ZFAT: variants seen among roughly 807,000 people sequenced by gnomAD.
ZFAT encodes the protein zinc finger protein ZFAT.
A neutral mutation model predicts 117.7 loss-of-function variants in ZFAT; 64 were observed. That is an observed-to-expected ratio of 0.54 (90% CI 0.44 to 0.67). The LOEUF (loss-of-function observed/expected upper bound fraction) is 0.67, where lower values mean the gene tolerates loss of function less well. Among genes scored for constraint, ZFAT ranks in the 30% least tolerant of loss-of-function variants. The pLI, the probability that ZFAT is intolerant of heterozygous loss-of-function variation, is 0.00. For synonymous variants in ZFAT, 679 were observed against 615.0 expected (o/e 1.10, Z -1.54); for missense variants, 1,433 against 1,584.5 (o/e 0.90, Z 1.62).
intron 9 of ZFAT, among the ~76,000 whole-genome samples, chr8:134,584,588 G>C (rs1825932177): frequency 6.6e-6 from 1 of 152,166 alleles, no homozygotes; most frequent in Non-Finnish European, 1.5e-5. Flanking sequence ...GTGGTTGATG[G>C]GCTGTTGACT....
intron 11 of ZFAT, among the ~76,000 whole-genome samples, chr8:134,537,114 T>C (rs1339092773): frequency 6.6e-6 from 1 of 152,260 alleles, no homozygotes; most frequent in Non-Finnish European, 1.5e-5. Context: ...ATATGCCAGA[T>C]AGCTCTAAAT....
At chr8:134,519,345 T>G (rs767233103) in intron 13 of ZFAT, among the ~76,000 whole-genome samples, 1 of 152,210 alleles carries the variant, frequency 6.6e-6, no homozygotes, top group Non-Finnish European at 1.5e-5. Flanking sequence ...TTGGGCATTT[T>G]TTATAAGGTT....
At chr8:134,718,356 G>A in the ZFAT span, among the ~76,000 whole-genome samples, 1 of 152,042 alleles carries the variant, frequency 6.6e-6, no homozygotes, top group Admixed American at 6.5e-5. Context: ...ACATTAGCTG[G>A]GTGTGGTAGC....
chr8:134,746,811 T>C, the ZFAT span, among the ~76,000 whole-genome samples: 1 of 152,244 alleles, frequency 6.6e-6, no homozygotes, highest in Admixed American at 6.5e-5. Flanking sequence ...GTTAAATAAC[T>C]GAACAATTAA....
chr8:134,668,274 A>G (rs1228573069), intron 1 of ZFAT, among the ~76,000 whole-genome samples: 1 of 152,216 alleles, frequency 6.6e-6, no homozygotes, highest in Admixed American at 6.5e-5. Flanking sequence ...TTCTCTCAGC[A>G]TGGAGTTTGA....
chr8:134,778,777 G>A, the ZFAT span, among the ~76,000 whole-genome samples: 1 of 152,214 alleles, frequency 6.6e-6, no homozygotes, highest in Non-Finnish European at 1.5e-5. Flanking sequence ...GGATGATGAA[G>A]CATTCACAAT....
chr8:134,532,810 C>G, intron 12 of ZFAT, 24 bp downstream of exon 12: 1 of 1,607,166 alleles, frequency 6.2e-7, no homozygotes. Context: ...GGGCAGGGCC[C>G]CAGCTCGCTG....
the ZFAT span, among the ~76,000 whole-genome samples, chr8:134,743,082 C>T: frequency 6.6e-6 from 1 of 152,216 alleles, no homozygotes; most frequent in African/African-American, 2.4e-5. Context: ...AAAAAGTGGC[C>T]GATCCATGAC....
At chr8:134,555,526 C>T (rs994925207) in intron 11 of ZFAT, among the ~76,000 whole-genome samples, 1 of 152,180 alleles carries the variant, frequency 6.6e-6, no homozygotes, top group African/African-American at 2.4e-5. Flanking sequence ...CAATCCACCA[C>T]ACTAATAACA....
chr8:134,584,865 G>A (rs559178841), intron 9 of ZFAT, among the ~76,000 whole-genome samples: 40 of 152,242 alleles, frequency 2.6e-4, no homozygotes, highest in African/African-American at 9.6e-4. Context: ...TAAGCCAAAC[G>A]TTTTCACCCA....
At chr8:134,562,455 G>C (rs1417933867) in intron 11 of ZFAT, among the ~76,000 whole-genome samples, 1 of 152,212 alleles carries the variant, frequency 6.6e-6, no homozygotes, top group Non-Finnish European at 1.5e-5. Flanking sequence ...ATTTGGATGA[G>C]GGGTTGGCAT....
chr8:134,617,076 CCT>C (rs1338034726), intron 3 of ZFAT, among the ~76,000 whole-genome samples: 5 of 152,326 alleles, frequency 3.3e-5, no homozygotes, highest in Admixed American at 2.6e-4. Flanking sequence ...CTCTCATTCC[CCT>C]GTCTTGGCAG....
At chr8:134,681,005 G>A (rs1344493157) in intron 1 of ZFAT, among the ~76,000 whole-genome samples, 2 of 152,234 alleles carry the variant, frequency 1.3e-5, no homozygotes, top group African/African-American at 2.4e-5. Flanking sequence ...GGATCTTCTG[G>A]AACAAACAAT....
chr8:134,629,477 G>T lies in ZFAT; in HGVS notation c.448+7984C>A, dbSNP rs1034383440. 3.3e-5 allele frequency among the ~76,000 whole-genome samples: 5 copies of T among 152,032 alleles called. No individual in the cohort carries two copies. In the East Asian group the frequency reaches 9.7e-4, roughly 29 times the overall value. The stretch of plus-strand genomic sequence containing the variant: ...GGTGGGGCCATGTGATTCCCTGCTG[G>T]CTGATATAGTTTGGATTTGTGTCTC... On this transcript the variant is annotated intron_variant, in intron 3 of 15. Transcript: ENST00000377838.
chr8:134,565,385 G>A lies in ZFAT; in HGVS notation c.2924C>T (p.Ala975Val), dbSNP rs200726532. 9.4e-5 allele frequency: 152 copies of A among 1,613,802 alleles called. 1 individual carries two copies. Among genetic ancestry groups the A allele is most frequent in the South Asian group, 7.3e-4 (66 of 91,032 alleles). ...CCGCAGCAGCTGTGGCTTCTGGGCC[G>A]CTGTGTAGTCACACACCGTGCACTT... ...QFKCTVCDYTAAQKPQLLRHM... is the reference protein window; with the variant it reads ...QFKCTVCDYTVAQKPQLLRHM... Residue 975 changes from alanine to valine, a missense_variant, in exon 11 of 16, where the codon GCG (alanine) becomes GTG (valine). By Grantham distance (64) the Ala-to-Val change is moderately conservative. This residue lies in a region of ZFAT where 503 missense variants were observed against 543.4 expected (regional missense o/e 0.93). Transcript: ENST00000377838.
chr8:134,815,511 C>G, the ZFAT span, among the ~76,000 whole-genome samples: 3 of 152,172 alleles, frequency 2.0e-5, no homozygotes, highest in Admixed American at 6.5e-5. Flanking sequence ...GATCACAACA[C>G]CTCTGTTTTA....
intron 15 of ZFAT, among the ~76,000 whole-genome samples, chr8:134,501,542 G>A (rs1372673196): frequency 2.0e-5 from 3 of 152,200 alleles, no homozygotes; most frequent in African/African-American, 7.2e-5. Flanking sequence ...ACCGTTACGG[G>A]AAAGTGGAGT....
At chr8:134,633,780 C>T (rs968620236) in intron 3 of ZFAT, among the ~76,000 whole-genome samples, 1 of 152,242 alleles carries the variant, frequency 6.6e-6, no homozygotes, top group Non-Finnish European at 1.5e-5. Context: ...CACAGTGGCT[C>T]ATACCTATAA....
At chr8:134,596,350 T>C (rs1826930904) in intron 7 of ZFAT, among the ~76,000 whole-genome samples, 1 of 152,242 alleles carries the variant, frequency 6.6e-6, no homozygotes, top group Admixed American at 6.5e-5. Flanking sequence ...CCCTGTCCTG[T>C]AACTTCAAAT....
Sources: allele counts gnomAD v4.1 joint callset (sites outside exome capture counted in the v4.1 genomes callset), GRCh38; gene constraint gnomAD v4.1.1; regional missense constraint gnomAD v4.1.1; transcripts MANE v1.5; gene names NCBI Gene and HGNC (gene_info 2026-07-23, HGNC 2026-07-21).